The following NCOA6 variants were observed in gnomAD, a reference collection of about 807,000 sequenced individuals.
The protein encoded by NCOA6 is NRC RAP250.
A neutral mutation model predicts 171.4 loss-of-function variants in NCOA6; 49 were observed. That is an observed-to-expected ratio of 0.29 (90% CI 0.23 to 0.36). The LOEUF (loss-of-function observed/expected upper bound fraction) is 0.36. Among genes scored for constraint, NCOA6 ranks in the 10% least tolerant of loss-of-function variants. NCOA6 has a pLI of 1.00. For synonymous variants in NCOA6, 910 were observed against 927.5 expected (o/e 0.98, Z 0.34); for missense variants, 2,248 against 2,554.5 (o/e 0.88, Z 2.59).
chr20:34,750,782 G>A (rs1884431), intron 8 of NCOA6, among the ~76,000 whole-genome samples: 126,692 of 152,140 alleles, frequency 0.83, 52,959 homozygotes, highest in Admixed American at 0.9. Flanking sequence ...AAGATTTAAC[G>A]TTTCAAAGAT....
At position 34,757,457 on chromosome 20, in the gene NCOA6, A is replaced by G; in HGVS notation, c.1291T>C (p.Ser431Pro). Residue 431 changes from serine (S) to proline (P), a missense_variant, in exon 7 of 15, where the codon TCA becomes CCA. Coordinates refer to ENST00000359003, the MANE Select transcript of NCOA6 (RefSeq NM_014071.5). ...GATCCCTGCTGGAAGGAGGAGGGTG[A>G]GGAGGCAGGAGACTTGTTGGTGAGG... The part of the protein sequence containing the change: ...PHLTNKSPAS[S>P]PSSFQQGSPA... The G allele has an allele frequency of 6.2e-7, 1 of 1,613,742 alleles. No homozygotes were observed. Among genetic ancestry groups the G allele is most frequent in the Non-Finnish European group, 8.5e-7 (1 of 1,179,792 alleles).
chr20:34,786,091 A>T (rs528371785), intron 2 of NCOA6, among the ~76,000 whole-genome samples: 118 of 152,262 alleles, frequency 7.7e-4, no homozygotes, highest in Non-Finnish European at 1.6e-3. Flanking sequence ...GTGTCCAGGA[A>T]TTTATCCATT....
chr20:34,719,452 G>A (rs954346014), intron 14 of NCOA6, among the ~76,000 whole-genome samples: 2 of 152,014 alleles, frequency 1.3e-5, no homozygotes, highest in African/African-American at 4.8e-5. Context: ...CCAACAAGGC[G>A]AAACCCCATC....
chr20:34,817,519 G>C (rs1384030057), intron 1 of NCOA6, among the ~76,000 whole-genome samples: 4 of 151,990 alleles, frequency 2.6e-5, no homozygotes, highest in African/African-American at 7.3e-5. Flanking sequence ...TTCCATCAAA[G>C]CCATAGTATT....
In NCOA6 at chr20:34,754,888, TA is replaced by T. The variant is rs758799357; in HGVS notation, c.1529-21del. On this transcript the variant is annotated intron_variant, in intron 7 of 14. Transcript: ENST00000359003. ...GCATTCCTTAATAGAAAACAATGAG[TA>T]AGGCAGTTACCTAGCAAATTTATAC... is the stretch of plus-strand genomic sequence containing the variant. 3 of 1,612,508 alleles carry T rather than the reference TA, an allele frequency of 1.9e-6. No homozygotes were observed. The Admixed American group carries it at 5.0e-5, about 27-fold the overall frequency.
chr20:34,744,613 A>C (rs1201976955), intron 10 of NCOA6, among the ~76,000 whole-genome samples: 1 of 152,232 alleles, frequency 6.6e-6, no homozygotes, highest in East Asian at 1.9e-4. Context: ...CTTCTGGCCA[A>C]AGATTTCCAT....
At chr20:34,763,081 T>C (rs2145890347) in intron 5 of NCOA6, among the ~76,000 whole-genome samples, 1 of 152,340 alleles carries the variant, frequency 6.6e-6, no homozygotes, top group Middle Eastern at 3.4e-3. Context: ...ATATTGTGTC[T>C]AGATGTAGTT....
intron 1 of NCOA6, among the ~76,000 whole-genome samples, chr20:34,807,965 C>A (rs2078516857): frequency 6.6e-6 from 1 of 151,614 alleles, no homozygotes; most frequent in Admixed American, 6.6e-5. Context: ...CCTTGGCCAA[C>A]ATGGTGAAAC....
chr20:34,791,527 T>C (rs566405300), intron 2 of NCOA6, among the ~76,000 whole-genome samples: 181 of 152,256 alleles, frequency 1.2e-3, no homozygotes, highest in Non-Finnish European at 2.3e-3. Context: ...AATGCACTGC[T>C]CACCCTGGCA....
intron 2 of NCOA6, among the ~76,000 whole-genome samples, chr20:34,783,780 G>A (rs2077580965): frequency 6.6e-6 from 1 of 152,038 alleles, no homozygotes; most frequent in Non-Finnish European, 1.5e-5. Flanking sequence ...GCACCATCAT[G>A]CCTGGCTAAT....
intron 5 of NCOA6, among the ~76,000 whole-genome samples, chr20:34,760,225 T>C (rs1257515134): frequency 6.6e-6 from 1 of 152,182 alleles, no homozygotes; most frequent in Non-Finnish European, 1.5e-5. Flanking sequence ...TGCAGTGAGC[T>C]ATGATCATGC....
chr20:34,756,006 G>T (rs1302059072), intron 7 of NCOA6, among the ~76,000 whole-genome samples: 6 of 152,120 alleles, frequency 3.9e-5, no homozygotes, highest in Non-Finnish European at 8.8e-5. Context: ...CAAAGTGCTG[G>T]GATTACAGGC....
At chr20:34,765,439 CA>C (rs34605174) in intron 5 of NCOA6, among the ~76,000 whole-genome samples, 54,819 of 106,340 alleles carry the variant, frequency 0.52, 10,888 homozygotes, top group Admixed American at 0.64. Context: ...GAGTCCGTCT[CA>C]AAAAAAAAAA....
In NCOA6 at chr20:34,750,288, A is replaced by C. The variant is rs1174150940; in HGVS notation, c.1907T>G (p.Val636Gly). 7 of 1,612,408 alleles carry C rather than the reference A, an allele frequency of 4.3e-6. No individual in the cohort carries two copies. The highest frequency in any genetic ancestry group is 5.9e-6 in the Non-Finnish European group (7 of 1,179,040). The change falls in exon 9 of 15, where the codon GTC becomes GGC. Residue 636 changes from valine (V) to glycine (G), a missense_variant. By Grantham distance (109) the Val-to-Gly change is moderately radical. Around this residue, in one of 7 missense-constraint regions of NCOA6, gnomAD observed 987 missense variants for 1,104.7 expected, o/e 0.89. Transcript: ENST00000359003. ...AGGGTTCAAGGTTCCTTGTTGCTGG[A>C]CCATCTGGCCCTGGGAGGGCACGAT... ...QQIVPSQGQM[V>G]QQQGTLNPQN...
In NCOA6 at chr20:34,786,832, G is replaced by A. The variant is rs181231825; in HGVS notation, c.-49-4428C>T. Among the ~76,000 whole-genome samples the A allele has an allele frequency of 2.0e-5, 3 of 152,052 alleles. No individual in the cohort carries two copies. The East Asian group carries it at 5.8e-4, about 29-fold the overall frequency. On this transcript the variant is annotated intron_variant, in intron 2 of 14. Coordinates refer to ENST00000359003, the MANE Select transcript of NCOA6 (RefSeq NM_014071.5). Reference sequence around the variant, plus strand: ...ATCCTTACAAAAATTAACTCAAAATGGATTAAAGACTTAAATGTAAAACCC... The same window carrying A: ...ATCCTTACAAAAATTAACTCAAAATAGATTAAAGACTTAAATGTAAAACCC...
At chr20:34,814,971 A>G (rs1277194354) in intron 1 of NCOA6, among the ~76,000 whole-genome samples, 1 of 152,204 alleles carries the variant, frequency 6.6e-6, no homozygotes, top group Non-Finnish European at 1.5e-5. Flanking sequence ...AATCAGGAAG[A>G]ACTGCCTGGG....
At chr20:34,734,520 A>T (rs1282689559) in intron 12 of NCOA6, among the ~76,000 whole-genome samples, 1 of 151,986 alleles carries the variant, frequency 6.6e-6, no homozygotes, top group East Asian at 1.9e-4. Context: ...ATTTTTAAAA[A>T]TTTTTTGTAG....
rs568745941 is a variant in NCOA6, at chr20:34,766,470, A to G, written c.514+1994T>C. Reference sequence around the variant, plus strand: ...TCTCTACAAAAAACAATACAAAACAAAACAAAAATAAGCCGGGTGTGGTAG... The same window carrying G: ...TCTCTACAAAAAACAATACAAAACAGAACAAAAATAAGCCGGGTGTGGTAG... On this transcript the variant is annotated intron_variant, in intron 5 of 14. Transcript: ENST00000359003. 2.0e-5 allele frequency among the ~76,000 whole-genome samples: 3 copies of G among 152,150 alleles called. No homozygotes were observed. In the South Asian group the frequency reaches 6.2e-4, roughly 32 times the overall value.
At chr20:34,782,462 A>G in intron 2 of NCOA6, 58 bp from the exon 3 acceptor site, 1 of 437,604 alleles carries the variant, frequency 2.3e-6, no homozygotes, top group Non-Finnish European at 4.0e-6. Flanking sequence ...TCAACAATGT[A>G]TAATTCATAG....
Sources: gnomAD v4.1 joint callset for allele counts (sites outside exome capture counted in the v4.1 genomes callset) on GRCh38, gnomAD v4.1.1 for gene constraint, gnomAD v4.1.1 regional missense constraint, MANE v1.5 for transcripts, NCBI Gene and HGNC (gene_info 2026-07-23, HGNC 2026-07-21) for gene names.